The following SLC4A4 variants were observed in gnomAD, a reference collection of about 807,000 sequenced individuals.
The protein encoded by SLC4A4 is electrogenic sodium bicarbonate cotransporter 1.
Under a neutral mutation model 111.5 loss-of-function variants are expected in SLC4A4, and 27 were observed. That is an observed-to-expected ratio of 0.24 (90% CI 0.18 to 0.33). SLC4A4 has a LOEUF of 0.33. Ranked by LOEUF, SLC4A4 falls within the 10% of genes least tolerant of loss-of-function variation. The probability of loss-of-function intolerance (pLI) is 1.00; values close to 1 mark genes in which losing one functional copy is unlikely to be tolerated. For synonymous variants in SLC4A4, 443 were observed against 463.4 expected, an observed-to-expected ratio of 0.96 and a Z score of 0.57; for missense variants, 909 against 1,315.5, an observed-to-expected ratio of 0.69 and a Z score of 4.78.
intron 6 of SLC4A4, among the ~76,000 whole-genome samples, chr4:71,394,051 A>G (rs745482010): frequency 1.3e-5 from 2 of 152,210 alleles, no homozygotes; most frequent in Non-Finnish European, 2.9e-5. Context: ...ACCTGCAACT[A>G]TAAAAATTAT....
chr4:71,208,441 A>AT lies in SLC4A4; in HGVS notation c.-2+21040_-2+21041insT, dbSNP rs751310771. Reference sequence around the variant, plus strand: ...GTGAGACTCCGTCTCAAAAAAAAAAAAAATATATATATATATAATAAAACA... The same window carrying AT: ...GTGAGACTCCGTCTCAAAAAAAAAAATAAATATATATATATATAATAAAACA... On this transcript the variant is annotated intron_variant, in intron 1 of 25. Coordinates refer to ENST00000264485, the MANE Select transcript of SLC4A4 (RefSeq NM_001098484.3). Among the ~76,000 whole-genome samples, 1,183 of 144,046 alleles carry AT rather than the reference A, an allele frequency of 8.2e-3. 16 individuals are homozygous for AT. Among genetic ancestry groups the AT allele is most frequent in the Admixed American group, 0.032 (459 of 14,536 alleles). The allele number at this position is 144,046 out of a possible 152,430, so 94.5% of individuals were successfully genotyped here. A position where few individuals can be genotyped will look rare whatever the true frequency, so the allele number is the denominator to read the frequency against.
intron 2 of SLC4A4, among the ~76,000 whole-genome samples, chr4:71,102,071 C>A (rs1211535145): frequency 2.0e-5 from 3 of 151,662 alleles, no homozygotes; most frequent in African/African-American, 4.8e-5. Context: ...CAGAGAAGTG[C>A]TTAAAGGAGC....
At chr4:71,417,593 T>A (rs1289639524) in intron 7 of SLC4A4, among the ~76,000 whole-genome samples, 1 of 152,228 alleles carries the variant, frequency 6.6e-6, no homozygotes, top group Non-Finnish European at 1.5e-5. Flanking sequence ...TGTTTTTCTT[T>A]AAATCTTTTT....
chr4:71,157,192 G>A (rs1007201376), intron 2 of SLC4A4, among the ~76,000 whole-genome samples: 1 of 152,102 alleles, frequency 6.6e-6, no homozygotes, highest in Non-Finnish European at 1.5e-5. Flanking sequence ...AAAGTTGAGT[G>A]TGCGTCACTA....
In SLC4A4 at chr4:71,388,082, C is replaced by T. The variant is rs1300188791; in HGVS notation, c.731-9495C>T. ...TTCATTTACTTCTGTTATGTTACACCGTTGATAGGTTTTCCCTCTTAGCCT... is the reference window on the plus strand; with the variant it reads ...TTCATTTACTTCTGTTATGTTACACTGTTGATAGGTTTTCCCTCTTAGCCT... On this transcript the variant is annotated intron_variant, in intron 6 of 25. Transcript: ENST00000264485. Among the ~76,000 whole-genome samples the T allele has an allele frequency of 2.6e-5, 4 of 152,096 alleles. 1 individual carries two copies. The highest frequency in any genetic ancestry group is 1.3e-4 in the Admixed American group (2 of 15,260).
intron 1 of SLC4A4, among the ~76,000 whole-genome samples, chr4:71,090,211 TCTC>T (rs1560713724): frequency 6.6e-6 from 1 of 150,882 alleles, no homozygotes; most frequent in Non-Finnish European, 1.5e-5. Context: ...TGGGATATAA[TCTC>T]CTGGTGTGCC....
chr4:71,482,041 G>C (rs76706276), intron 14 of SLC4A4, among the ~76,000 whole-genome samples: 1 of 151,764 alleles, frequency 6.6e-6, no homozygotes, highest in African/African-American at 2.4e-5. Flanking sequence ...GGAGATTGCA[G>C]ATTCCATATA....
chr4:71,143,606 A>C (rs1744073712), intron 2 of SLC4A4, among the ~76,000 whole-genome samples: 1 of 152,108 alleles, frequency 6.6e-6, no homozygotes, highest in Admixed American at 6.5e-5. Context: ...CCTCTCCAGC[A>C]CCTGTTGTTT....
intron 8 of SLC4A4, 59 bp from the exon 9 acceptor site, chr4:71,447,587 T>C: frequency 9.7e-7 from 1 of 1,028,798 alleles, no homozygotes; most frequent in South Asian, 1.3e-5. Context: ...CTCAGTTTTA[T>C]GTATGTTGAG....
At chr4:71,502,052 C>A (rs1382513998) in intron 16 of SLC4A4, among the ~76,000 whole-genome samples, 1 of 152,202 alleles carries the variant, frequency 6.6e-6, no homozygotes, top group Non-Finnish European at 1.5e-5. Context: ...ACCTCAGCCT[C>A]CTGGGTTCAA....
chr4:71,174,538 G>A (rs370502527), intron 2 of SLC4A4, among the ~76,000 whole-genome samples: 27 of 152,084 alleles, frequency 1.8e-4, no homozygotes, highest in Non-Finnish European at 2.1e-4. Context: ...GTGAGCCACC[G>A]CACCTGGCCC....
chr4:71,163,290 T>C (rs1744656905), intron 2 of SLC4A4, among the ~76,000 whole-genome samples: 1 of 152,350 alleles, frequency 6.6e-6, no homozygotes, highest in South Asian at 2.1e-4. Context: ...GTGGCATTAG[T>C]GCTTCCAAGG....
chr4:71,119,969 T>G (rs1560729679), intron 2 of SLC4A4, among the ~76,000 whole-genome samples: 3 of 152,190 alleles, frequency 2.0e-5, no homozygotes, highest in Non-Finnish European at 4.4e-5. Flanking sequence ...TTTCAAATTT[T>G]TGTTATGTCA....
chr4:71,393,585 C>A (rs1268650676), intron 6 of SLC4A4, among the ~76,000 whole-genome samples: 1 of 152,024 alleles, frequency 6.6e-6, no homozygotes, highest in Non-Finnish European at 1.5e-5. Context: ...AATGACAGTA[C>A]TGTCAAAAGC....
intron 2 of SLC4A4, among the ~76,000 whole-genome samples, chr4:71,180,630 C>T (rs1296893416): frequency 1.3e-5 from 2 of 152,174 alleles, no homozygotes; most frequent in South Asian, 4.1e-4. Context: ...CAGAGAAATG[C>T]AAATCAAAAC....
chr4:71,227,047 A>G (rs942553773), intron 1 of SLC4A4, among the ~76,000 whole-genome samples: 1 of 152,192 alleles, frequency 6.6e-6, no homozygotes, highest in Non-Finnish European at 1.5e-5. Context: ...AGTTATAATG[A>G]CAATGCATTG....
chr4:71,529,968 A>G (rs1214839126), intron 16 of SLC4A4, among the ~76,000 whole-genome samples: 1 of 152,044 alleles, frequency 6.6e-6, no homozygotes, highest in African/African-American at 2.4e-5. Context: ...GCTTCATAGG[A>G]CCATCTTTTG....
intron 2 of SLC4A4, among the ~76,000 whole-genome samples, chr4:71,252,161 A>G (rs546803142): frequency 1.3e-5 from 2 of 152,254 alleles, no homozygotes; most frequent in Non-Finnish European, 2.9e-5. Flanking sequence ...TATTTTCAAC[A>G]GTAATGATGC....
At chr4:71,325,158 T>C (rs1271068092) in intron 3 of SLC4A4, among the ~76,000 whole-genome samples, 1 of 151,954 alleles carries the variant, frequency 6.6e-6, no homozygotes, top group African/African-American at 2.4e-5. Flanking sequence ...ATGGTAATTT[T>C]CTGGATTGGT....
Sources: gnomAD v4.1 joint callset for allele counts (sites outside exome capture counted in the v4.1 genomes callset) on GRCh38, gnomAD v4.1.1 for gene constraint, MANE v1.5 for transcripts, NCBI Gene and HGNC (gene_info 2026-07-23, HGNC 2026-07-21) for gene names.